The following RGS7 variants were observed in gnomAD, a reference collection of about 807,000 sequenced individuals.
RGS7 encodes the protein regulator of G protein signaling 7.
In RGS7, 27 loss-of-function variants were observed where a neutral mutation model predicts 81.1. The observed-to-expected ratio is 0.33, with a 90% confidence interval of 0.25 to 0.46. The LOEUF is 0.46. Ranked by LOEUF, RGS7 falls within the 20% of genes least tolerant of loss-of-function variation. The probability of loss-of-function intolerance (pLI) is 1.00; values close to 1 mark genes in which losing one functional copy is unlikely to be tolerated. For missense variants in RGS7, 396 were observed against 607.4 expected (o/e 0.65, Z 3.66); for synonymous variants, 208 against 207.7 (o/e 1.00, Z -0.01).
intron 6 of RGS7, among the ~76,000 whole-genome samples, chr1:240,930,118 G>T (rs568266361): frequency 6.6e-6 from 1 of 152,150 alleles, no homozygotes; most frequent in East Asian, 1.9e-4. Flanking sequence ...CTTACTAGGG[G>T]CTCTTTTTCT....
rs561920105 is a variant in RGS7 at position 241,111,041 on chromosome 1, C to T, written c.79-12279G>A. Among the ~76,000 whole-genome samples, 15 of 152,176 alleles carry T rather than the reference C, an allele frequency of 9.9e-5. No individual in the cohort carries two copies. In the South Asian group the frequency reaches 2.7e-3, roughly 27 times the overall value. On this transcript the variant is annotated intron_variant, in intron 2 of 18. Transcript: ENST00000440928. ...GGAAAGGGGTCTCACAATACCTCCA[C>T]GGAGTATAATAGATTTAAAATAGCT...
intron 3 of RGS7, among the ~76,000 whole-genome samples, chr1:241,030,712 G>C (rs1289272809): frequency 6.6e-6 from 1 of 152,030 alleles, no homozygotes; most frequent in South Asian, 2.1e-4. Flanking sequence ...TGCAATCTGG[G>C]AACCAGTGGG....
intron 2 of RGS7, among the ~76,000 whole-genome samples, chr1:241,301,162 C>T (rs887950187): frequency 6.6e-6 from 1 of 152,162 alleles, no homozygotes; most frequent in African/African-American, 2.4e-5. Context: ...ATCAATGAAC[C>T]AGCCATGGTT....
chr1:241,138,474 T>C (rs1018924363), intron 2 of RGS7, among the ~76,000 whole-genome samples: 2 of 152,118 alleles, frequency 1.3e-5, no homozygotes, highest in African/African-American at 4.8e-5. Context: ...GCAACACGAA[T>C]GCCACACAGC....
rs530982947 is a variant in RGS7, at chr1:240,881,321, G to A, written c.386-11202C>T. On this transcript the variant is annotated intron_variant, in intron 6 of 18. Transcript: ENST00000440928. ...CAATGAGAACACTTGGACACAGGGAGGGGAACATCACACACGGGGGGCCTG... is the reference window on the plus strand; with the variant it reads ...CAATGAGAACACTTGGACACAGGGAAGGGAACATCACACACGGGGGGCCTG... Among the ~76,000 whole-genome samples the A allele has an allele frequency of 2.0e-5, 3 of 150,696 alleles. No individual in the cohort carries two copies. In the South Asian group the frequency reaches 6.4e-4, roughly 32 times the overall value.
At chr1:241,162,349 C>G (rs2103205514) in intron 2 of RGS7, among the ~76,000 whole-genome samples, 1 of 152,286 alleles carries the variant, frequency 6.6e-6, no homozygotes, top group African/African-American at 2.4e-5. Flanking sequence ...AAAAACGCCT[C>G]AAGTGAGCAT....
chr1:241,034,661 T>C (rs2060242251), intron 3 of RGS7, among the ~76,000 whole-genome samples: 1 of 152,208 alleles, frequency 6.6e-6, no homozygotes, highest in African/African-American at 2.4e-5. Flanking sequence ...TATAACAGAA[T>C]GCAAGTAGAT....
At chr1:240,930,606 TC>T in intron 6 of RGS7, 110 bp downstream of exon 6, 1 of 1,020,430 alleles carries the variant, frequency 9.8e-7, no homozygotes, top group South Asian at 1.3e-5. Flanking sequence ...ATTGGTCCCA[TC>T]CTGAGAACTG....
chr1:240,960,563 T>A (rs1294416155), intron 4 of RGS7, among the ~76,000 whole-genome samples: 18 of 149,942 alleles, frequency 1.2e-4, no homozygotes, highest in Admixed American at 4.7e-4. Context: ...TTTTTTTTTT[T>A]TTTTCCCAGA....
intron 2 of RGS7, among the ~76,000 whole-genome samples, chr1:241,101,708 A>T (rs763885575): frequency 4.6e-5 from 7 of 152,144 alleles, no homozygotes; most frequent in African/African-American, 7.2e-5. Flanking sequence ...GACCTGCCAC[A>T]ATGTTCAGAA....
intron 2 of RGS7, among the ~76,000 whole-genome samples, chr1:241,141,916 G>A (rs747787406): frequency 6.6e-6 from 1 of 152,216 alleles, no homozygotes; most frequent in Non-Finnish European, 1.5e-5. Flanking sequence ...TCAAAAGCAG[G>A]TTAGTTACTT....
intron 2 of RGS7, among the ~76,000 whole-genome samples, chr1:241,106,724 A>AC (rs1419149115): frequency 4.1e-5 from 5 of 123,262 alleles, no homozygotes; most frequent in Non-Finnish European, 6.7e-5. Context: ...TCCAAAAAAA[A>AC]AAAAAAAAAA....
chr1:241,165,294 C>G (rs1461258225), intron 2 of RGS7, among the ~76,000 whole-genome samples: 1 of 152,162 alleles, frequency 6.6e-6, no homozygotes, highest in African/African-American at 2.4e-5. Flanking sequence ...AGAATCTATG[C>G]TAGGGGTCGA....
chr1:241,073,274 A>G (rs1181217301), intron 3 of RGS7, among the ~76,000 whole-genome samples: 1 of 151,928 alleles, frequency 6.6e-6, no homozygotes, highest in Non-Finnish European at 1.5e-5. Flanking sequence ...TGCAGCTTCT[A>G]TTGGTTTGGG....
intron 6 of RGS7, among the ~76,000 whole-genome samples, chr1:240,884,914 T>C (rs979378371): frequency 6.6e-6 from 1 of 152,162 alleles, no homozygotes; most frequent in Non-Finnish European, 1.5e-5. Context: ...AGTATCTAAT[T>C]AAACTTAAGA....
chr1:241,217,301 G>A (rs1287571074), intron 2 of RGS7, among the ~76,000 whole-genome samples: 3 of 152,170 alleles, frequency 2.0e-5, no homozygotes, highest in Admixed American at 6.5e-5. Context: ...CTGGCTCCTT[G>A]ATTATGGACT....
rs68166816 is a variant in RGS7, at chr1:241,162,222, G to GCCCCCCCCCCCA, written c.79-63461_79-63460insTGGGGGGGGGGG. ...ATAAAACACCTGAAACTGGTGATCA[G>GCCCCCCCCCCCA]CTTCCAAATAAGATCTCAGAAGTTG... On this transcript the variant is annotated intron_variant, in intron 2 of 18. Transcript: ENST00000440928. Among the ~76,000 whole-genome samples the GCCCCCCCCCCCA allele has an allele frequency of 3.2e-4, 45 of 142,146 alleles. 2 individuals carry two copies. Among genetic ancestry groups the GCCCCCCCCCCCA allele is most frequent in the African/African-American group, 1.1e-3 (42 of 38,114 alleles). 93.3% of individuals were successfully genotyped at this position (142,146 alleles called of 152,430 possible). A position where few individuals can be genotyped will look rare whatever the true frequency, so the allele number is the denominator to read the frequency against.
intron 10 of RGS7, among the ~76,000 whole-genome samples, chr1:240,826,008 C>T (rs1558312682): frequency 6.6e-6 from 1 of 152,052 alleles, no homozygotes; most frequent in Non-Finnish European, 1.5e-5. Context: ...TTTGGAGAGC[C>T]GATAGCATTT....
intron 6 of RGS7, among the ~76,000 whole-genome samples, chr1:240,898,834 T>A (rs907047810): frequency 3.9e-5 from 6 of 152,178 alleles, no homozygotes; most frequent in Non-Finnish European, 8.8e-5. Context: ...TTCCTGGATA[T>A]CCTTGTTAAC....
Sources: gnomAD v4.1 joint callset for allele counts (sites outside exome capture counted in the v4.1 genomes callset) on GRCh38, gnomAD v4.1.1 for gene constraint, MANE v1.5 for transcripts, NCBI Gene and HGNC (gene_info 2026-07-23, HGNC 2026-07-21) for gene names.